The following SAMD11 variants were observed in gnomAD, a reference collection of about 807,000 sequenced individuals.
The protein encoded by SAMD11 is sterile alpha motif domain containing 11.
A neutral mutation model predicts 64.4 loss-of-function variants in SAMD11; 77 were observed. That is an observed-to-expected ratio of 1.20 (90% confidence interval 0.99 to 1.44). SAMD11 has a LOEUF of 1.44. Among genes scored for constraint, SAMD11 ranks in the 40% most tolerant of loss-of-function variants. SAMD11 has a pLI of 0.00. For missense variants in SAMD11, 1,402 were observed against 943.3 expected (o/e 1.49, Z -6.37); for synonymous variants, 658 against 421.9 (o/e 1.56, Z -6.86).
Position 942,829 on chromosome 1 carries a change from C to A in SAMD11, c.1824C>A (p.Ser608Arg). The change falls in exon 11 of 14, where the codon AGC becomes AGA. Residue 608 changes from serine (S) to arginine (R), a missense_variant. Physicochemically the swap from Ser to Arg is moderately radical, Grantham distance 110 (BLOSUM62 -1). Coordinates refer to ENST00000616016, the MANE Select transcript of SAMD11 (RefSeq NM_001385641.1). ...CCGGCCCTGCCTCAGCGCGGCCCAG[C>A]GAGTCCAAGGAGATGACGGGGGCTA... ...GGPGPASARP[S>R]ESKEMTGARL... 2 of 1,549,418 alleles carry A rather than the reference C, an allele frequency of 1.3e-6. No homozygotes were observed. Among genetic ancestry groups the A allele is most frequent in the Non-Finnish European group, 1.7e-6 (2 of 1,146,792 alleles).
intron 4 of SAMD11, 63 bp downstream of exon 4, chr1:931,152 T>G: frequency 3.8e-6 from 2 of 520,988 alleles, no homozygotes; most frequent in Non-Finnish European, 5.2e-6. Context: ...CTCCCACCCC[T>G]GACCGTGCCC....
At chr1:929,620 C>T (rs1205824091) in intron 2 of SAMD11, among the ~76,000 whole-genome samples, 2 of 152,194 alleles carry the variant, frequency 1.3e-5, no homozygotes, top group Non-Finnish European at 1.5e-5. Context: ...GGCAGATACA[C>T]GGAGGGAACG....
chr1:943,008 C>G lies in SAMD11; in HGVS notation c.2003C>G (p.Ser668Cys), dbSNP rs576314104. The G allele has an allele frequency of 6.5e-7, 1 of 1,537,086 alleles. No individual in the cohort carries two copies. Among genetic ancestry groups the G allele is most frequent in the Admixed American group, 2.1e-5 (1 of 48,618 alleles). ...GAEGKGLFPG[S>C]TLPLGFPYAV... ...GAGGGGAAGGGGCTTTTCCCAGGGT[C>G]CACACTGCCCCTGGGCTTCCCTTAT... The change falls in exon 11 of 14, where the codon TCC (serine) becomes TGC (cysteine). Residue 668 changes from serine (S) to cysteine (C), a missense_variant. Coordinates refer to ENST00000616016, the MANE Select transcript of SAMD11 (RefSeq NM_001385641.1).
In SAMD11 at chr1:933,994, C is replaced by G. The variant is rs1385257268; in HGVS notation, c.843-1778C>G. ...TACAGGTGGGCAGGGGAGGCGGCTG[C>G]GTTACAGGTGGGCAGGGGAGGCGGC... On this transcript the variant is annotated intron_variant, in intron 4 of 13. Transcript: ENST00000616016. Among the ~76,000 whole-genome samples, 2 of 143,966 alleles carry G rather than the reference C, an allele frequency of 1.4e-5. 1 individual carries two copies. The highest frequency in any genetic ancestry group is 3.0e-5 in the Non-Finnish European group (2 of 66,920). The allele number at this position is 143,966 out of a possible 152,430, so 94.4% of individuals were successfully genotyped here.
Position 942,730 on chromosome 1 carries a change from C to CA in SAMD11, c.1725_1726insA (p.Gln576ThrfsTer42), listed in dbSNP as rs1557610406. 19 of 1,471,918 alleles carry CA rather than the reference C, an allele frequency of 1.3e-5. No individual in the cohort carries two copies. Among genetic ancestry groups the CA allele is most frequent in the Non-Finnish European group, 1.7e-5 (19 of 1,121,298 alleles). 91.2% of individuals were successfully genotyped at this position (1,471,918 alleles called of 1,614,324 possible). On this transcript the variant is annotated frameshift_variant, in exon 11 of 14. Coordinates refer to ENST00000616016, the MANE Select transcript of SAMD11 (RefSeq NM_001385641.1). LOFTEE classifies it high-confidence loss of function. ...CGGCGCCACTGCTGGCCCTGCCCCC[C>CA]CAGGGGCCCCCGGGCTCCGGACCCC...
chr1:925,827 C>T, intron 1 of SAMD11, 95 bp from the exon 2 acceptor site: 3 of 872,554 alleles, frequency 3.4e-6, no homozygotes, highest in South Asian at 1.4e-5. Flanking sequence ...GGGTGTATTT[C>T]GTCCACGAGC....
At chr1:943,200 G>C (rs1378349889) in intron 11 of SAMD11, 53 bp from the exon 12 acceptor site, 1 of 1,609,534 alleles carries the variant, frequency 6.2e-7, no homozygotes, top group Non-Finnish European at 8.5e-7. Context: ...GTCAGGAGAC[G>C]GGCGGGTATG....
chr1:933,721 C>T (rs1641276204), intron 4 of SAMD11, among the ~76,000 whole-genome samples: 1 of 147,638 alleles, frequency 6.8e-6, no homozygotes, highest in Admixed American at 6.9e-5. Context: ...TACTCCCACC[C>T]AGCTGCCTTC....
At chr1:928,098 G>A (rs1298974237) in intron 2 of SAMD11, among the ~76,000 whole-genome samples, 1 of 152,232 alleles carries the variant, frequency 6.6e-6, no homozygotes, top group Non-Finnish European at 1.5e-5. Context: ...CTCCTCAAAA[G>A]AAGGGAGGTG....
Position 942,674 on chromosome 1 carries a change from C to A in SAMD11, c.1669C>A (p.Arg557Ser). ...CGACGGCGCCGAGGAGCTGCAGCGG[C>A]GCGGGGCCCTGCTGGTGCTGAACCA... ...PNDGAEELQR[R>S]GALLVLNHGA... is the part of the protein sequence containing the mutation. The change falls in exon 11 of 14, where the codon CGC (arginine) becomes AGC (serine). Residue 557 changes from arginine (R) to serine (S), a missense_variant. By Grantham distance (110) the Arg-to-Ser change is moderately radical (BLOSUM62 -1). Coordinates refer to ENST00000616016, the MANE Select transcript of SAMD11 (RefSeq NM_001385641.1). 2 of 1,434,096 alleles carry A rather than the reference C, an allele frequency of 1.4e-6. No individual in the cohort carries two copies. The allele number at this position is 1,434,096 out of a possible 1,614,324, so 88.8% of individuals were successfully genotyped here.
At chr1:943,460 C>A (rs928924798) in intron 12 of SAMD11, 83 bp downstream of exon 12, 2 of 1,249,152 alleles carry the variant, frequency 1.6e-6, no homozygotes, top group South Asian at 1.4e-5. Context: ...TGGGGTAGGG[C>A]CATTCCCCAA....
chr1:941,432 A>G, intron 8 of SAMD11, 126 bp downstream of exon 8: 1 of 1,034,008 alleles, frequency 9.7e-7, no homozygotes, highest in Non-Finnish European at 1.4e-6. Context: ...GGGTCCGGGC[A>G]GAGCGTTTCG....
intron 7 of SAMD11, chr1:940,927 G>A: frequency 1.9e-6 from 1 of 517,238 alleles, no homozygotes. Flanking sequence ...CCCCTTCGGG[G>A]AAGAGCTTTT....
At chr1:939,686 G>C (rs1641645173) in intron 7 of SAMD11, among the ~76,000 whole-genome samples, 1 of 152,168 alleles carries the variant, frequency 6.6e-6, no homozygotes, top group South Asian at 2.1e-4. Flanking sequence ...GGAGTCTGGG[G>C]TGGACCCAGG....
chr1:927,248 T>C (rs1423424348), intron 2 of SAMD11, among the ~76,000 whole-genome samples: 1 of 152,172 alleles, frequency 6.6e-6, no homozygotes, highest in Non-Finnish European at 1.5e-5. Context: ...GTTCCCTCCT[T>C]TCAAGCAGCT....
At chr1:928,319 G>A (rs946736919) in intron 2 of SAMD11, among the ~76,000 whole-genome samples, 1 of 152,234 alleles carries the variant, frequency 6.6e-6, no homozygotes, top group African/African-American at 2.4e-5. Flanking sequence ...ATGAACCCGG[G>A]AGGCGGAGCT....
intron 7 of SAMD11, 61 bp from the exon 8 acceptor site, chr1:941,083 G>C: frequency 6.9e-7 from 1 of 1,456,434 alleles, no homozygotes; most frequent in African/African-American, 1.4e-5. Flanking sequence ...ACGCCAGGAC[G>C]CGGGCTGGGG....
chr1:931,640 C>T (rs1641174849), intron 4 of SAMD11, among the ~76,000 whole-genome samples: 1 of 152,158 alleles, frequency 6.6e-6, no homozygotes, highest in African/African-American at 2.4e-5. Context: ...CTGTGGGCAC[C>T]GTCCTCCAGG....
At position 924,128 on chromosome 1, in the gene SAMD11, G is replaced by T. The variant is rs959899529; in HGVS notation, c.-304G>T. 1.3e-5 allele frequency: 2 copies of T among 149,686 alleles called. No homozygotes were observed. The highest frequency in any genetic ancestry group is 3.0e-5 in the Non-Finnish European group (2 of 67,052). The allele number at this position is 149,686 out of a possible 1,614,324, so 9.3% of individuals were successfully genotyped here. A position where few individuals can be genotyped will look rare whatever the true frequency, so the allele number is the denominator to read the frequency against. ...CCCCGGGCGCGGGCGCTGGTGGCCG[G>T]GGCGCGGGACTCCAGACGCCCCGGG... On this transcript the variant is annotated 5_prime_UTR_variant, in exon 1 of 14. Transcript: ENST00000616016.
Sources: gnomAD v4.1 joint callset for allele counts (sites outside exome capture counted in the v4.1 genomes callset) on GRCh38, gnomAD v4.1.1 for gene constraint, MANE v1.5 for transcripts, NCBI Gene and HGNC (gene_info 2026-07-23, HGNC 2026-07-21) for gene names.